PLEC: variants seen among roughly 807,000 people sequenced by gnomAD.
The protein encoded by PLEC is plectin.
Under a neutral mutation model 392.8 loss-of-function variants are expected in PLEC, and 216 were observed. That is an observed-to-expected ratio of 0.55 (90% confidence interval 0.49 to 0.62). The LOEUF is 0.62. PLEC is among the 20% of genes least tolerant of loss of function. The pLI is 0.00. For synonymous variants in PLEC, 3,621 were observed against 2,980.6 expected (o/e 1.21, Z -7.00); for missense variants, 6,863 against 6,563.4 (o/e 1.05, Z -1.58).
In PLEC at chr8:143,932,625, C is replaced by T. The variant is rs398123396; in HGVS notation, c.1815+10G>A. 1.1e-3 allele frequency: 1,723 copies of T among 1,611,176 alleles called. 21 individuals are homozygous for T. The South Asian group carries it at 0.018, about 17-fold the overall frequency. On this transcript the variant is annotated intron_variant, in intron 15 of 31. Coordinates refer to ENST00000345136, the MANE Select transcript of PLEC (RefSeq NM_201384.3). ...ACCCACCTCCCCCGGCTGGCCCTGC[C>T]CCCACTCACCAGCAGCTTGGCGTAC...
chr8:143,951,007 C>G (rs981545338), upstream of PLEC: 4 of 511,504 alleles, frequency 7.8e-6, no homozygotes, highest in Non-Finnish European at 1.4e-5. Context: ...CACCCACAGC[C>G]GACGGGGCCC....
At chr8:143,975,340 T>C (rs1554745718), upstream of PLEC, 1 of 1,610,906 alleles carries the variant, frequency 6.2e-7, no homozygotes, top group East Asian at 2.2e-5. This position sits in a 1 kb window ranked among gnomAD's most constrained non-coding sequence, Gnocchi z 9.9. Context: ...CTTCAGAGAC[T>C]GCCCGGACCT....
intron 3 of PLEC, chr8:143,937,894 G>A (rs932211264): frequency 1.6e-5 from 10 of 639,152 alleles, no homozygotes; most frequent in African/African-American, 5.4e-5. Flanking sequence ...GTCCCGACGC[G>A]GAGGGCGGCA....
In PLEC at chr8:143,919,430, A is replaced by T. The variant is rs1382699792; in HGVS notation, c.10391T>A (p.Leu3464Gln). The T allele has an allele frequency of 6.2e-7, 1 of 1,613,342 alleles. No homozygotes were observed. The highest frequency in any genetic ancestry group is 2.2e-5 in the East Asian group (1 of 44,874). The change falls in exon 32 of 32, where the codon CTG (leucine) becomes CAG (glutamine). Residue 3464 changes from leucine (L) to glutamine (Q), a missense_variant. By Grantham distance (113) the Leu-to-Gln change is moderately radical. Coordinates refer to ENST00000345136, the MANE Select transcript of PLEC (RefSeq NM_201384.3). ...GLVLRQHGIR[L>Q]LEAQIATGGI... ...GCCCGTGGCGATCTGGGCCTCCAGC[A>T]GGCGGATGCCGTGCTGCCGGAGAAC...
At chr8:143,946,019 G>A (rs542927117) in intron 1 of PLEC, among the ~76,000 whole-genome samples, 1 of 152,386 alleles carries the variant, frequency 6.6e-6, no homozygotes, top group South Asian at 2.1e-4. Flanking sequence ...CCGACAGGCC[G>A]GACGTTTCAG....
Position 143,930,365 on chromosome 8 carries a change from AC to A in PLEC, c.2457+18del, listed in dbSNP as rs1473363295. On this transcript the variant is annotated intron_variant, in intron 20 of 31. Transcript: ENST00000345136. ...CCTGCCTGGCCACGCCCCCCAGTGG[AC>A]CCCCGGCCTGCGCTCACCTCCACCT... 20 of 1,575,974 alleles carry A rather than the reference AC, an allele frequency of 1.3e-5. No individual in the cohort carries two copies. The highest frequency in any genetic ancestry group is 1.6e-5 in the Non-Finnish European group (19 of 1,166,162).
upstream of PLEC, chr8:143,943,785 C>T (rs535379967): frequency 5.6e-6 from 9 of 1,611,486 alleles, no homozygotes; most frequent in South Asian, 2.2e-5. Flanking sequence ...TTACCTTGCT[C>T]GTCCTGCGCC....
intron 1 of PLEC, among the ~76,000 whole-genome samples, chr8:143,948,570 T>C (rs1831769241): frequency 6.6e-6 from 1 of 152,218 alleles, no homozygotes; most frequent in African/African-American, 2.4e-5. Flanking sequence ...TGGCCCTGAC[T>C]CATCCCGGAG....
intron 10 of PLEC, 48 bp downstream of exon 10, chr8:143,934,587 C>T (rs782544736): frequency 6.2e-7 from 1 of 1,602,932 alleles, no homozygotes; most frequent in Non-Finnish European, 8.5e-7. Flanking sequence ...ACCTTTCAGG[C>T]CTGGGGCGTT....
chr8:143,924,670 C>T lies in PLEC; in HGVS notation c.5259G>A (p.Leu1753=). Residue 1753 remains leucine, a synonymous_variant, in exon 31 of 32, where the codon CTG becomes CTA. Transcript: ENST00000345136. ...CCCGCACCTTGGCCAGCTCGGCTTC[C>T]AGCTCCTGCCGTTTCTGCGTGGCTG... ...AAAATQKRQE[L]EAELAKVRAE... 6.5e-7 allele frequency: 1 copy of T among 1,535,418 alleles called. No homozygotes were observed. The highest frequency in any genetic ancestry group is 8.7e-7 in the Non-Finnish European group (1 of 1,146,666).
chr8:143,944,790 GC>G lies in PLEC; in HGVS notation c.523+5393del, dbSNP rs1831198056. ...GGTGGGAGGAGGGCACGGCCGTGCT[GC>G]TGTCAGCAGCAGCTTGTGGGGGAGG... On this transcript the variant is annotated intron_variant, in intron 1 of 31. Transcript: ENST00000322810. The G allele has an allele frequency of 4.9e-6, 5 of 1,013,962 alleles. No individual in the cohort carries two copies. The Admixed American group carries it at 2.1e-4, about 43-fold the overall frequency. The allele number at this position is 1,013,962 out of a possible 1,614,324, so 62.8% of individuals were successfully genotyped here.
chr8:143,924,666 C>G lies in PLEC; in HGVS notation c.5263G>C (p.Ala1755Pro), dbSNP rs1320842752. The G allele has an allele frequency of 1.3e-6, 2 of 1,535,522 alleles. No homozygotes were observed. The highest frequency in any genetic ancestry group is 2.4e-5 in the East Asian group (1 of 40,842). The change falls in exon 31 of 32, where the codon GCC (alanine) becomes CCC (proline). Residue 1755 changes from alanine to proline, a missense_variant. Ala to Pro is a conservative substitution (Grantham distance 27). Transcript: ENST00000345136. ...TCGGCCCGCACCTTGGCCAGCTCGG[C>G]TTCCAGCTCCTGCCGTTTCTGCGTG... The part of the protein sequence containing the change: ...AATQKRQELE[A>P]ELAKVRAEME...
At chr8:143,968,450 G>A (rs1476925209) in intron 1 of PLEC, among the ~76,000 whole-genome samples, 4 of 142,258 alleles carry the variant, frequency 2.8e-5, no homozygotes, top group African/African-American at 8.0e-5. Flanking sequence ...GACGCCTGTA[G>A]TCCCAGCTAC....
At position 143,925,069 on chromosome 8, in the gene PLEC, G is replaced by A. The variant is rs144880376; in HGVS notation, c.4860C>T (p.Ala1620=). ...AERRAQQQAE[A]ERAREEAERE... is the part of the protein sequence containing the mutation. ...GCTCTGCCTCCTCGCGCGCCCGCTC[G>A]GCCTCGGCCTGCTGCTGTGCCCGCC... Residue 1620 remains alanine (A), a synonymous_variant, in exon 31 of 32, where the codon GCC becomes GCT. Coordinates refer to ENST00000345136, the MANE Select transcript of PLEC (RefSeq NM_201384.3). The A allele has an allele frequency of 2.0e-4, 312 of 1,538,950 alleles. 6 individuals carry two copies. The African/African-American group carries it at 3.4e-3, about 17-fold the overall frequency.
At chr8:143,950,535 G>C (rs782166303) in exon 1 of PLEC, 4 of 1,607,402 alleles carry the variant, frequency 2.5e-6, no homozygotes, top group Non-Finnish European at 3.4e-6. Flanking sequence ...ACCAGGCCCC[G>C]TGCCCGCAGG....
chr8:143,955,199 G>A (rs1024076763), upstream of PLEC, among the ~76,000 whole-genome samples: 5 of 152,276 alleles, frequency 3.3e-5, no homozygotes, highest in Middle Eastern at 3.4e-3. Context: ...ATTTCAGGCC[G>A]GGCACGGGGA....
In PLEC at chr8:143,928,985, C is replaced by T. The variant is rs1826190619; in HGVS notation, c.3260+118G>A. The T allele has an allele frequency of 1.8e-5, 17 of 945,292 alleles. No individual in the cohort carries two copies. The South Asian group carries it at 2.2e-4, about 12-fold the overall frequency. The allele number at this position is 945,292 out of a possible 1,614,324, so 58.6% of individuals were successfully genotyped here. On this transcript the variant is annotated intron_variant, in intron 25 of 31. Coordinates refer to ENST00000345136, the MANE Select transcript of PLEC (RefSeq NM_201384.3). ...CCCAGCTGGGCCTCCCGCCTCCTGG[C>T]CAGATCTCTGAACAGCCCCCAACTC...
chr8:143,918,512 C>A lies in PLEC; in HGVS notation c.11309G>T (p.Gly3770Val). Reference protein sequence around the residue: ...RLLSAERAVTGYRDPYTEQTI... With the variant: ...RLLSAERAVTVYRDPYTEQTI... ...CTGCTCGGTGTAGGGGTCACGGTAGCCGGTGACCGCCCGCTCAGCCGAGAG... is the reference window on the plus strand; with the variant it reads ...CTGCTCGGTGTAGGGGTCACGGTAGACGGTGACCGCCCGCTCAGCCGAGAG... The change falls in exon 32 of 32, where the codon GGC (glycine) becomes GTC (valine). Residue 3770 changes from glycine (G) to valine (V), a missense_variant. By Grantham distance (109) the Gly-to-Val change is moderately radical. Transcript: ENST00000345136. 6.2e-7 allele frequency: 1 copy of A among 1,606,254 alleles called. No individual in the cohort carries two copies. Among genetic ancestry groups the A allele is most frequent in the Non-Finnish European group, 8.5e-7 (1 of 1,177,540 alleles).
At chr8:143,936,323 C>A (rs1554723333) in intron 5 of PLEC, among the ~76,000 whole-genome samples, 2 of 152,210 alleles carry the variant, frequency 1.3e-5, no homozygotes, top group Admixed American at 1.3e-4. Context: ...GAGGGCTAGG[C>A]TGCACCCTGC....
Sources: allele counts gnomAD v4.1 joint callset (sites outside exome capture counted in the v4.1 genomes callset), GRCh38; gene constraint gnomAD v4.1.1; non-coding constraint Gnocchi (gnomAD v3.1); transcripts MANE v1.5; gene names NCBI Gene and HGNC (gene_info 2026-07-23, HGNC 2026-07-21).